The following SLC1A3 variants were observed in gnomAD, a reference collection of about 807,000 sequenced individuals.
SLC1A3 encodes solute carrier family 1 member 3.
Under a neutral mutation model 48.1 loss-of-function variants are expected in SLC1A3, and 21 were observed. The observed-to-expected ratio is 0.44, with a 90% CI of 0.31 to 0.63. The LOEUF (loss-of-function observed/expected upper bound fraction) is 0.63. Ranked by LOEUF, SLC1A3 falls within the 20% of genes least tolerant of loss-of-function variation. The pLI is 0.08. For missense variants in SLC1A3, 546 were observed against 689.0 expected (o/e 0.79, Z 2.32); for synonymous variants, 239 against 251.4 (o/e 0.95, Z 0.47).
rs199634009 is a variant in SLC1A3, at chr5:36,640,978, CACACACACACAT to C, written c.319+11403_319+11414del. Among the ~76,000 whole-genome samples the C allele has an allele frequency of 4.0e-5, 6 of 151,764 alleles. No individual in the cohort carries two copies. The East Asian group carries it at 7.7e-4, about 20-fold the overall frequency. ...ATTTCATGTTTCTTTAATGCCCCAA[CACACACACACAT>C]ACACACACACACACACATACACACA... is the stretch of plus-strand genomic sequence containing the variant. On this transcript the variant is annotated intron_variant, in intron 3 of 9. Coordinates refer to ENST00000265113, the MANE Select transcript of SLC1A3 (RefSeq NM_004172.5).
chr5:36,654,612 C>T (rs1358078722), intron 3 of SLC1A3, among the ~76,000 whole-genome samples: 1 of 152,172 alleles, frequency 6.6e-6, no homozygotes, highest in African/African-American at 2.4e-5. Flanking sequence ...ATAGCTCTGT[C>T]CCCTCACTGG....
Position 36,686,455 on chromosome 5 carries a change from C to T in SLC1A3, c.*186C>T. On this transcript the variant is annotated 3_prime_UTR_variant, in exon 10 of 10. Transcript: ENST00000265113. ...TTGGGTGGCCAAAGTGTACAATTTT[C>T]ATCCCACAATTGAAATTTTTAAATC... The T allele has an allele frequency of 6.5e-6, 4 of 611,114 alleles. No individual in the cohort carries two copies. The highest frequency in any genetic ancestry group is 1.9e-5 in the South Asian group (1 of 51,970). The allele number at this position is 611,114 out of a possible 1,614,324, so 37.9% of individuals were successfully genotyped here.
chr5:36,629,376 T>C, intron 2 of SLC1A3, 74 bp from the exon 3 acceptor site: 1 of 1,347,578 alleles, frequency 7.4e-7, no homozygotes, highest in Non-Finnish European at 1.0e-6. Context: ...TACTTACTCA[T>C]TTTGCTAGGG....
At chr5:36,650,808 A>G (rs534471806) in intron 3 of SLC1A3, among the ~76,000 whole-genome samples, 14 of 152,370 alleles carry the variant, frequency 9.2e-5, no homozygotes, top group Admixed American at 3.9e-4. Context: ...AGGCAGGGCC[A>G]GCCTTTGGCA....
rs141485840 is a variant in SLC1A3, at chr5:36,643,107, G to A, written c.319+13520G>A. ...TATTTTTTGGTTTGGTTTGGTTTTT[G>A]CTATTATAAATAAGGCTGCTTTGAA... On this transcript the variant is annotated intron_variant, in intron 3 of 9. Coordinates refer to ENST00000265113, the MANE Select transcript of SLC1A3 (RefSeq NM_004172.5). Among the ~76,000 whole-genome samples the A allele has an allele frequency of 3.6e-3, 543 of 152,114 alleles. 4 individuals are homozygous for A. The highest frequency in any genetic ancestry group is 5.0e-3 in the Non-Finnish European group (342 of 67,988).
At chr5:36,607,117 TAAAC>T (rs1199918928) in intron 1 of SLC1A3, 2 of 152,202 alleles carry the variant, frequency 1.3e-5, no homozygotes, top group Non-Finnish European at 2.9e-5. Flanking sequence ...TGTGAAGTCT[TAAAC>T]AAATTAGAAG....
intron 1 of SLC1A3, among the ~76,000 whole-genome samples, chr5:36,599,735 T>C (rs1032048850): frequency 1.3e-5 from 2 of 151,982 alleles, no homozygotes; most frequent in Non-Finnish European, 2.9e-5. Context: ...CTCGTACTCC[T>C]GACCTTGTGA....
chr5:36,684,879 GTGTCCTC>G (rs1742583321), intron 9 of SLC1A3, among the ~76,000 whole-genome samples: 1 of 152,120 alleles, frequency 6.6e-6, no homozygotes, highest in East Asian at 1.9e-4. Flanking sequence ...GAGGGTGCCC[GTGTCCTC>G]TACCTCCTAG....
intron 2 of SLC1A3, 142 bp from the exon 3 acceptor site, chr5:36,629,308 C>T: frequency 1.4e-6 from 1 of 734,448 alleles, no homozygotes; most frequent in Non-Finnish European, 2.3e-6. Flanking sequence ...AGATACATCT[C>T]TTGCTCCCAA....
At position 36,683,891 on chromosome 5, in the gene SLC1A3, G is replaced by A; in HGVS notation, c.1317G>A (p.Gly439=). The A allele has an allele frequency of 6.2e-7, 1 of 1,614,156 alleles. No homozygotes were observed. The highest frequency in any genetic ancestry group is 8.5e-7 in the Non-Finnish European group (1 of 1,180,012). The change falls in exon 9 of 10, where the codon GGG becomes GGA. Residue 439 remains glycine, a synonymous_variant. Coordinates refer to ENST00000265113, the MANE Select transcript of SLC1A3 (RefSeq NM_004172.5). ...ISITATAASI[G]AAGIPQAGLV... ...TCACAGCCACAGCTGCCAGTATTGG[G>A]GCAGCTGGAATTCCTCAGGCGGGCC...
At chr5:36,612,879 C>G (rs934893164) in intron 2 of SLC1A3, 13 of 454,838 alleles carry the variant, frequency 2.9e-5, no homozygotes, top group Non-Finnish European at 5.7e-5. Context: ...TGGCTTTACT[C>G]CAGCAATTTG....
At chr5:36,671,438 A>C (rs1741992603) in intron 4 of SLC1A3, among the ~76,000 whole-genome samples, 1 of 152,202 alleles carries the variant, frequency 6.6e-6, no homozygotes, top group East Asian at 1.9e-4. Flanking sequence ...GAAAAGAGCA[A>C]GGAGAGGATA....
chr5:36,629,662 G>A, intron 3 of SLC1A3, 75 bp downstream of exon 3: 1 of 1,300,676 alleles, frequency 7.7e-7, no homozygotes, highest in Non-Finnish European at 1.1e-6. Flanking sequence ...AGAAAAGCCA[G>A]TGCTTTAGGT....
At chr5:36,647,110 C>T (rs1387514177) in intron 3 of SLC1A3, among the ~76,000 whole-genome samples, 1 of 152,180 alleles carries the variant, frequency 6.6e-6, no homozygotes, top group East Asian at 1.9e-4. Context: ...ATATAGGTCT[C>T]ATATGACACC....
chr5:36,620,730 A>T (rs1487904458), intron 2 of SLC1A3, among the ~76,000 whole-genome samples: 1 of 152,230 alleles, frequency 6.6e-6, no homozygotes, highest in African/African-American at 2.4e-5. Flanking sequence ...AACCAAAAAA[A>T]GTTCTAACCT....
chr5:36,602,879 A>G (rs1319242302), upstream of SLC1A3, among the ~76,000 whole-genome samples: 2 of 152,188 alleles, frequency 1.3e-5, no homozygotes, highest in Non-Finnish European at 2.9e-5. Flanking sequence ...GAGCAGGACA[A>G]GTGGGCTGGA....
At chr5:36,599,858 C>T (rs77725245) in intron 1 of SLC1A3, among the ~76,000 whole-genome samples, 4,554 of 151,994 alleles carry the variant, frequency 0.03, 230 homozygotes, top group African/African-American at 0.11. Context: ...GCTCTCGTCA[C>T]CCAGGCTGGA....
At chr5:36,674,708 G>A (rs1005879835) in intron 5 of SLC1A3, among the ~76,000 whole-genome samples, 7 of 151,984 alleles carry the variant, frequency 4.6e-5, no homozygotes, top group South Asian at 2.1e-4. Flanking sequence ...ATTATGTATC[G>A]TGCACAAATT....
In SLC1A3 at chr5:36,679,672, G is replaced by T; in HGVS notation, c.906G>T (p.Val302=). The T allele has an allele frequency of 6.2e-7, 1 of 1,614,138 alleles. No homozygotes were observed. Among genetic ancestry groups the T allele is most frequent in the Non-Finnish European group, 8.5e-7 (1 of 1,180,008 alleles). The change falls in exon 7 of 10, where the codon GTG becomes GTT. Residue 302 remains valine (V), a synonymous_variant. Coordinates refer to ENST00000265113, the MANE Select transcript of SLC1A3 (RefSeq NM_004172.5). ...GILFLIAGKI[V]EMEDMGVIGG... ...TCTTCCTGATTGCTGGGAAGATTGT[G>T]GAGATGGAAGACATGGGTGTGATTG...
Sources: allele counts gnomAD v4.1 joint callset (sites outside exome capture counted in the v4.1 genomes callset), GRCh38; gene constraint gnomAD v4.1.1; transcripts MANE v1.5; gene names NCBI Gene and HGNC (gene_info 2026-07-23, HGNC 2026-07-21).